The following ARHGAP40 variants were observed in gnomAD, a reference collection of about 807,000 sequenced individuals.
ARHGAP40 encodes rho GTPase-activating protein 40.
Under a neutral mutation model 73.5 loss-of-function variants are expected in ARHGAP40, and 43 were observed. The observed-to-expected ratio is 0.58, with a 90% confidence interval of 0.46 to 0.75. ARHGAP40 has a LOEUF of 0.75. Among genes scored for constraint, ARHGAP40 ranks in the 30% least tolerant of loss-of-function variants. ARHGAP40 has a pLI of 0.00. For missense variants in ARHGAP40, 734 were observed against 861.8 expected (o/e 0.85, Z 1.86); for synonymous variants, 300 against 352.8 (o/e 0.85, Z 1.68).
chr20:38,641,051 T>C (rs2089015210), intron 9 of ARHGAP40, among the ~76,000 whole-genome samples: 2 of 151,950 alleles, frequency 1.3e-5, no homozygotes, highest in South Asian at 2.1e-4. Context: ...TAGATATTTG[T>C]TGATAAGTGA....
intron 1 of ARHGAP40, among the ~76,000 whole-genome samples, chr20:38,608,478 A>C (rs1029649337): frequency 6.6e-6 from 1 of 152,066 alleles, no homozygotes; most frequent in African/African-American, 2.4e-5. Context: ...TTGTGTTTTC[A>C]TGTTTTTGGA....
At chr20:38,637,895 A>T (rs1405597937) in intron 7 of ARHGAP40, 96 bp downstream of exon 7, 2 of 1,015,376 alleles carry the variant, frequency 2.0e-6, no homozygotes, top group Non-Finnish European at 2.6e-6. Flanking sequence ...GGGTGAAAGG[A>T]TGTGCTTTAG....
intron 1 of ARHGAP40, among the ~76,000 whole-genome samples, chr20:38,610,818 C>G (rs898065823): frequency 6.6e-6 from 1 of 151,760 alleles, no homozygotes; most frequent in Non-Finnish European, 1.5e-5. Flanking sequence ...AGCCATAGGT[C>G]CTGTTTATAA....
At chr20:38,630,197 T>G (rs1435533298) in intron 5 of ARHGAP40, among the ~76,000 whole-genome samples, 14 of 140,304 alleles carry the variant, frequency 1.0e-4, no homozygotes, top group African/African-American at 3.6e-4. Flanking sequence ...CTTCCTTTTC[T>G]TCTTCCTTTC....
At chr20:38,604,131 A>G (rs1010563403) in intron 1 of ARHGAP40, among the ~76,000 whole-genome samples, 1 of 152,170 alleles carries the variant, frequency 6.6e-6, no homozygotes, top group East Asian at 1.9e-4. Context: ...TCGTCCGTCC[A>G]TCCATCTATC....
intron 10 of ARHGAP40, among the ~76,000 whole-genome samples, chr20:38,642,950 G>A (rs2089028235): frequency 2.0e-5 from 3 of 152,080 alleles, no homozygotes; most frequent in Admixed American, 2.0e-4. Flanking sequence ...AGATCAGCCT[G>A]GCCAATATGG....
Position 38,601,989 on chromosome 20 carries a change from C to T in ARHGAP40, c.47C>T (p.Ala16Val), listed in dbSNP as rs1480828463. 2.3e-6 allele frequency: 3 copies of T among 1,287,780 alleles called. No individual in the cohort carries two copies. In the South Asian group the frequency reaches 3.7e-5, roughly 16 times the overall value. The allele number at this position is 1,287,780 out of a possible 1,614,324, so 79.8% of individuals were successfully genotyped here. The stretch of plus-strand genomic sequence containing the variant: ...CCCGCCGCCCAGATGGAGAGGCTGG[C>T]CCCAGGGCCCCTAGCCTCACCGTGT... Residue 16 changes from alanine (A) to valine (V), a missense_variant, in exon 1 of 15, where the codon GCC (alanine) becomes GTC (valine). Coordinates refer to ENST00000373345, the Ensembl canonical transcript of ARHGAP40.
chr20:38,615,375 C>A, intron 1 of ARHGAP40: 1 of 746,606 alleles, frequency 1.3e-6, no homozygotes, highest in South Asian at 1.4e-5. Context: ...TTAAAAGGCC[C>A]CAGGTACCCA....
chr20:38,615,446 C>A (rs2088830244), intron 1 of ARHGAP40: 4 of 708,092 alleles, frequency 5.6e-6, no homozygotes, highest in Non-Finnish European at 1.0e-5. Flanking sequence ...AGCTCCTTCT[C>A]AGCCAGGAAC....
At chr20:38,639,945 G>A (rs73905656) in intron 9 of ARHGAP40, among the ~76,000 whole-genome samples, 1,757 of 152,272 alleles carry the variant, frequency 0.012, 27 homozygotes, top group African/African-American at 0.039. Context: ...ACAACCGTGA[G>A]GTTCTCCCTG....
intron 1 of ARHGAP40, among the ~76,000 whole-genome samples, chr20:38,611,475 T>TAACAC (rs1206043370): frequency 6.7e-6 from 1 of 149,726 alleles, no homozygotes; most frequent in South Asian, 2.1e-4. Flanking sequence ...TGGAGTGCAG[T>TAACAC]AACACAATCA....
At chr20:38,627,581 T>G in intron 3 of ARHGAP40, among the ~76,000 whole-genome samples, 1 of 90,838 alleles carries the variant, frequency 1.1e-5, no homozygotes, top group African/African-American at 3.7e-5. Flanking sequence ...AGTGTGTGTG[T>G]TGTGTGTGTT....
intron 2 of ARHGAP40, among the ~76,000 whole-genome samples, chr20:38,624,806 C>G (rs762364595): frequency 3.5e-4 from 53 of 152,226 alleles, no homozygotes; most frequent in Non-Finnish European, 4.6e-4. Flanking sequence ...CTCTCTAGCC[C>G]CTGCCCTACT....
At chr20:38,639,037 G>A (rs780018284) in intron 8 of ARHGAP40, among the ~76,000 whole-genome samples, 190 bp from the exon 9 acceptor site, 4 of 152,204 alleles carry the variant, frequency 2.6e-5, no homozygotes, top group Non-Finnish European at 5.9e-5. Context: ...GGCCACCAAC[G>A]TTTAATGAGC....
intron 1 of ARHGAP40, among the ~76,000 whole-genome samples, chr20:38,617,903 G>A (rs907153794): frequency 6.6e-6 from 1 of 152,130 alleles, no homozygotes; most frequent in Non-Finnish European, 1.5e-5. Context: ...CCATAGTAAG[G>A]GCTCGATAAA....
At chr20:38,635,063 G>A (rs1018505904) in intron 6 of ARHGAP40, among the ~76,000 whole-genome samples, 9 of 151,894 alleles carry the variant, frequency 5.9e-5, no homozygotes, top group Non-Finnish European at 1.0e-4. Flanking sequence ...TGTATTTTTA[G>A]TACAGACGGG....
Position 38,625,503 on chromosome 20 carries a change from C to T in ARHGAP40, c.338-1492C>T, listed in dbSNP as rs143395251. On this transcript the variant is annotated intron_variant, in intron 2 of 14. Transcript: ENST00000373345. ...GCACAATCTCAGCCCACTGCAACCT[C>T]CATCTCCTGGGTTCAAGCGATTCTC... is the stretch of plus-strand genomic sequence containing the variant. Among the ~76,000 whole-genome samples the T allele has an allele frequency of 4.4e-3, 671 of 152,292 alleles. 3 individuals are homozygous for T. Among genetic ancestry groups the T allele is most frequent in the South Asian group, 0.024 (116 of 4,820 alleles).
chr20:38,622,960 G>T (rs2088880726), intron 1 of ARHGAP40, among the ~76,000 whole-genome samples: 1 of 152,192 alleles, frequency 6.6e-6, no homozygotes, highest in African/African-American at 2.4e-5. Context: ...AGGAGGAAGT[G>T]TGAGGGAAGG....
chr20:38,602,947 G>C (rs962647407), intron 1 of ARHGAP40, among the ~76,000 whole-genome samples: 1 of 152,184 alleles, frequency 6.6e-6, no homozygotes, highest in Admixed American at 6.5e-5. Flanking sequence ...AATTTTTAAC[G>C]ATTCTAAGCA....
Sources: allele counts gnomAD v4.1 joint callset (sites outside exome capture counted in the v4.1 genomes callset), GRCh38; gene constraint gnomAD v4.1.1; transcripts MANE v1.5; gene names NCBI Gene and HGNC (gene_info 2026-07-23, HGNC 2026-07-21).